The following CRTC3 variants were observed in gnomAD, a reference collection of about 807,000 sequenced individuals.
CRTC3 encodes CREB regulated transcription coactivator 3.
A neutral mutation model predicts 74.5 loss-of-function variants in CRTC3; 26 were observed. That is an observed-to-expected ratio of 0.35 (90% CI 0.26 to 0.48). CRTC3 has a LOEUF of 0.48. CRTC3 is among the 20% of genes least tolerant of loss of function. The pLI, the probability that CRTC3 is intolerant of heterozygous loss-of-function variation, is 0.99. For missense variants in CRTC3, 760 were observed against 787.3 expected (o/e 0.97, Z 0.41); for synonymous variants, 377 against 325.8 (o/e 1.16, Z -1.69).
chr15:90,603,259 C>G (rs560716289), intron 4 of CRTC3, among the ~76,000 whole-genome samples: 9 of 149,268 alleles, frequency 6.0e-5, no homozygotes, highest in African/African-American at 2.2e-4. Flanking sequence ...CTCGCTAACA[C>G]GGTGAAACCC....
chr15:90,629,928 T>TG (rs566575127), intron 11 of CRTC3, among the ~76,000 whole-genome samples: 67 of 152,300 alleles, frequency 4.4e-4, no homozygotes, highest in Admixed American at 1.6e-3. Flanking sequence ...CTCGATATGT[T>TG]GCCCAAGCTG....
chr15:90,545,072 T>C (rs1966842050), intron 2 of CRTC3, among the ~76,000 whole-genome samples: 1 of 152,230 alleles, frequency 6.6e-6, no homozygotes, highest in Non-Finnish European at 1.5e-5. Context: ...CTATTCTAAG[T>C]GCCTCATATG....
At chr15:90,586,693 G>A (rs1047941506) in intron 2 of CRTC3, among the ~76,000 whole-genome samples, 5 of 151,986 alleles carry the variant, frequency 3.3e-5, no homozygotes, top group African/African-American at 9.7e-5. Flanking sequence ...GATGTATTTG[G>A]TCATACCATT....
chr15:90,639,857 C>CT (rs1412280012), intron 13 of CRTC3, among the ~76,000 whole-genome samples: 1 of 151,408 alleles, frequency 6.6e-6, no homozygotes, highest in Non-Finnish European at 1.5e-5. Flanking sequence ...ACCATCCTGG[C>CT]TAACACGGTG....
chr15:90,618,145 G>T (rs1319728158), intron 8 of CRTC3, 177 bp downstream of exon 8: 2 of 404,830 alleles, frequency 4.9e-6, no homozygotes, highest in East Asian at 7.7e-5. Flanking sequence ...TATCGCGCTT[G>T]TGTCAATGAA....
At chr15:90,570,722 C>T (rs1335362396) in intron 2 of CRTC3, among the ~76,000 whole-genome samples, 5 of 152,094 alleles carry the variant, frequency 3.3e-5, no homozygotes, top group Non-Finnish European at 7.3e-5. Flanking sequence ...AGAGTTCAAG[C>T]CAGTAATTAA....
intron 3 of CRTC3, chr15:90,595,167 T>A (rs1202058444): frequency 6.6e-6 from 1 of 152,214 alleles, no homozygotes; most frequent in Non-Finnish European, 1.5e-5. Context: ...ATGGAGGCAA[T>A]TCATCAGCAA....
chr15:90,550,115 A>T (rs769310328), intron 2 of CRTC3, among the ~76,000 whole-genome samples: 1 of 151,444 alleles, frequency 6.6e-6, no homozygotes, highest in Admixed American at 6.6e-5. Context: ...GATGACTTAC[A>T]TTTGTAAGTT....
intron 2 of CRTC3, among the ~76,000 whole-genome samples, chr15:90,580,004 C>T (rs905464118): frequency 6.6e-6 from 1 of 152,068 alleles, no homozygotes; most frequent in Non-Finnish European, 1.5e-5. Flanking sequence ...CACTCAGGAA[C>T]ATCAGAAGAA....
At chr15:90,538,169 A>T (rs1966749723) in intron 1 of CRTC3, among the ~76,000 whole-genome samples, 2 of 152,242 alleles carry the variant, frequency 1.3e-5, no homozygotes. Context: ...CAATGGATAA[A>T]TTGATCCTTC....
At chr15:90,598,927 G>T (rs1968000538) in intron 3 of CRTC3, 1 of 179,886 alleles carries the variant, frequency 5.6e-6, no homozygotes. Flanking sequence ...GTGCCCGGAG[G>T]CTCCCGCCAC....
Position 90,593,191 on chromosome 15 carries a change from A to G in CRTC3, c.232-445A>G, listed in dbSNP as rs2151077755. ...ACAAAAAAAATTCTGACTTTTCCCT[A>G]GAATCCTCAAGTCTGAATTTTCAAA... On this transcript the variant is annotated intron_variant, in intron 2 of 14. Coordinates refer to ENST00000268184, the MANE Select transcript of CRTC3 (RefSeq NM_022769.5). Among the ~76,000 whole-genome samples the G allele has an allele frequency of 2.0e-5, 3 of 152,316 alleles. No individual in the cohort carries two copies. In the Middle Eastern group the frequency reaches 0.01, roughly 518 times the overall value.
At chr15:90,533,081 T>C (rs1434632431) in intron 1 of CRTC3, among the ~76,000 whole-genome samples, 46 of 25,248 alleles carry the variant, frequency 1.8e-3, no homozygotes, top group Middle Eastern at 0.028. Flanking sequence ...CAAGACTTCA[T>C]CTCAAAAAAA....
rs1966875022 is a variant in CRTC3 at position 90,554,758 on chromosome 15, C to G, written c.231+14621C>G. ...GATAATACGTGTGAAGCGCCTGGTG[C>G]AGTAAATGCTTATGGTTTTGTTGTT... On this transcript the variant is annotated intron_variant, in intron 2 of 14. Transcript: ENST00000268184. Among the ~76,000 whole-genome samples the G allele has an allele frequency of 1.3e-5, 2 of 152,202 alleles. 1 individual carries two copies. Among genetic ancestry groups the G allele is most frequent in the South Asian group, 4.1e-4 (2 of 4,830 alleles).
intron 11 of CRTC3, among the ~76,000 whole-genome samples, chr15:90,634,540 T>A (rs1430941865): frequency 1.3e-5 from 2 of 152,192 alleles, no homozygotes; most frequent in Non-Finnish European, 2.9e-5. Flanking sequence ...CACAACTACT[T>A]CTTCCTGCAC....
At position 90,645,085 on chromosome 15, in the gene CRTC3, G is replaced by A. The variant is rs76314735; in HGVS notation, c.*2945G>A. ...TGGTGTTGTATCTTCAAGTCCATAT[G>A]CGTATTTGCAGACCTTTCCTGTTCC... On this transcript the variant is annotated 3_prime_UTR_variant, in exon 15 of 15. Transcript: ENST00000268184. 1,415 of 230,372 alleles carry A rather than the reference G, an allele frequency of 6.1e-3. 22 individuals are homozygous for A. Among genetic ancestry groups the A allele is most frequent in the African/African-American group, 0.029 (1,321 of 45,246 alleles). The allele number at this position is 230,372 out of a possible 1,614,324, so 14.3% of individuals were successfully genotyped here. A position where few individuals can be genotyped will look rare whatever the true frequency, so the allele number is the denominator to read the frequency against.
At chr15:90,558,683 G>A (rs879694264) in intron 2 of CRTC3, among the ~76,000 whole-genome samples, 13 of 151,686 alleles carry the variant, frequency 8.6e-5, no homozygotes, top group East Asian at 1.9e-4. Context: ...TCCCTCCACC[G>A]TCTTTCCTGC....
intron 6 of CRTC3, chr15:90,613,513 T>C (rs1968416623): frequency 6.6e-6 from 1 of 152,270 alleles, no homozygotes; most frequent in African/African-American, 2.4e-5. Flanking sequence ...ATCTGTCTTC[T>C]CACCTACACT....
Position 90,607,363 on chromosome 15 carries a change from TC to T in CRTC3, c.477-13del. 1 of 1,541,158 alleles carries T rather than the reference TC, an allele frequency of 6.5e-7. No individual in the cohort carries two copies. The highest frequency in any genetic ancestry group is 8.9e-7 in the Non-Finnish European group (1 of 1,121,510). On this transcript the variant is annotated splice_polypyrimidine_tract_variant and intron_variant, in intron 5 of 14. Coordinates refer to ENST00000268184, the MANE Select transcript of CRTC3 (RefSeq NM_022769.5). ...AAAACGGATTTTCAGCCAGCCTCTC[TC>T]CTCCCCTCCTTAGGACCAATTCTGA...
Sources: allele counts gnomAD v4.1 joint callset (sites outside exome capture counted in the v4.1 genomes callset), GRCh38; gene constraint gnomAD v4.1.1; transcripts MANE v1.5; gene names NCBI Gene and HGNC (gene_info 2026-07-23, HGNC 2026-07-21).